The following MAML2 variants were observed in gnomAD, a reference collection of about 807,000 sequenced individuals.
MAML2 encodes the protein mastermind like transcriptional coactivator 2.
A neutral mutation model predicts 96.1 loss-of-function variants in MAML2; 22 were observed. That is an observed-to-expected ratio of 0.23 (90% CI 0.16 to 0.33). MAML2 has a LOEUF of 0.33. MAML2 is among the 10% of genes least tolerant of loss of function. The pLI is 1.00. For synonymous variants in MAML2, 561 were observed against 521.3 expected (o/e 1.08, Z -1.04); for missense variants, 1,367 against 1,392.4 (o/e 0.98, Z 0.29).
rs988237536 is a variant in MAML2 at position 96,244,766 on chromosome 11, A to G, written c.513+96617T>C. ...TTGAACCCAGCACCTGGACTCTCAG[A>G]GCAATCACACACTATTCAACCATCC... On this transcript the variant is annotated intron_variant, in intron 1 of 4. Transcript: ENST00000524717. Among the ~76,000 whole-genome samples the G allele has an allele frequency of 2.6e-5, 4 of 152,184 alleles. No homozygotes were observed. The East Asian group carries it at 7.7e-4, about 29-fold the overall frequency.
intron 2 of MAML2, among the ~76,000 whole-genome samples, chr11:96,011,205 A>T (rs1858260346): frequency 6.6e-6 from 1 of 152,358 alleles, no homozygotes; most frequent in African/African-American, 2.4e-5. Context: ...TGACCCAGCA[A>T]TTCTATTACT....
At chr11:96,223,025 T>G (rs552844) in intron 1 of MAML2, among the ~76,000 whole-genome samples, 140,967 of 152,108 alleles carry the variant, frequency 0.93, 65,484 homozygotes, top group Middle Eastern at 0.97. Flanking sequence ...GGATTTTTAT[T>G]TTTACTTTAC....
At chr11:96,252,216 A>G (rs563231453) in intron 1 of MAML2, among the ~76,000 whole-genome samples, 60 of 152,178 alleles carry the variant, frequency 3.9e-4, no homozygotes, top group African/African-American at 1.4e-3. Flanking sequence ...ACAGACATGT[A>G]CAATAGAAAA....
chr11:96,246,300 G>C (rs1161058830), intron 1 of MAML2, among the ~76,000 whole-genome samples: 1 of 151,958 alleles, frequency 6.6e-6, no homozygotes, highest in Non-Finnish European at 1.5e-5. Context: ...GGCATTTTTT[G>C]GATTCTGAAG....
chr11:96,148,659 TACACACACACACACAC>T lies in MAML2; in HGVS notation c.514-55158_514-55143del, dbSNP rs58470055. On this transcript the variant is annotated intron_variant, in intron 1 of 4. Transcript: ENST00000524717. ...TGAAAAGTCTGAAAATTCTGAAAAATACACACACACACACACACACACACACACACACACACACACA... is the reference window on the plus strand; with the variant it reads ...TGAAAAGTCTGAAAATTCTGAAAAATACACACACACACACACACACACACA... 9.3e-3 allele frequency among the ~76,000 whole-genome samples: 1,233 copies of T among 131,956 alleles called. 21 individuals are homozygous for T. Among genetic ancestry groups the T allele is most frequent in the African/African-American group, 0.024 (841 of 34,340 alleles). The allele number at this position is 131,956 out of a possible 152,430, so 86.6% of individuals were successfully genotyped here.
At chr11:96,276,150 A>G (rs1397241926) in intron 1 of MAML2, among the ~76,000 whole-genome samples, 1 of 152,232 alleles carries the variant, frequency 6.6e-6, no homozygotes, top group Non-Finnish European at 1.5e-5. Flanking sequence ...ATAATATCAA[A>G]GCAGCTACCG....
intron 1 of MAML2, among the ~76,000 whole-genome samples, chr11:96,296,310 C>A (rs1243112744): frequency 6.6e-6 from 1 of 151,994 alleles, no homozygotes; most frequent in Non-Finnish European, 1.5e-5. Flanking sequence ...TGCCTAAATT[C>A]CAGAGGAAAA....
At chr11:96,333,806 A>G (rs1863882989) in intron 1 of MAML2, among the ~76,000 whole-genome samples, 1 of 152,212 alleles carries the variant, frequency 6.6e-6, no homozygotes, top group Non-Finnish European at 1.5e-5. Context: ...AAATTCACTT[A>G]AGAATTATTC....
intron 1 of MAML2, among the ~76,000 whole-genome samples, chr11:96,255,711 T>G (rs933200973): frequency 1.3e-5 from 2 of 151,958 alleles, no homozygotes; most frequent in African/African-American, 4.8e-5. Flanking sequence ...CATTTCCAGA[T>G]GAGGGAATGA....
At chr11:96,245,435 C>T (rs1403817565) in intron 1 of MAML2, among the ~76,000 whole-genome samples, 1 of 152,058 alleles carries the variant, frequency 6.6e-6, no homozygotes, top group African/African-American at 2.4e-5. Flanking sequence ...TTAAAGAAAC[C>T]TTTCTCACAT....
intron 1 of MAML2, among the ~76,000 whole-genome samples, chr11:96,281,741 G>A (rs148111864): frequency 6.6e-6 from 1 of 152,108 alleles, no homozygotes; most frequent in Non-Finnish European, 1.5e-5. Context: ...GTGGCAGCAT[G>A]CACCTGTAAT....
chr11:96,133,544 G>A (rs976666958), intron 1 of MAML2, among the ~76,000 whole-genome samples: 3 of 151,968 alleles, frequency 2.0e-5, no homozygotes, highest in African/African-American at 4.8e-5. Context: ...TTGGTCAATC[G>A]ACTTGGCAGA....
chr11:96,307,758 T>A (rs1863485070), intron 1 of MAML2, among the ~76,000 whole-genome samples: 1 of 152,104 alleles, frequency 6.6e-6, no homozygotes, highest in African/African-American at 2.4e-5. Flanking sequence ...ATAACATCCT[T>A]AGGGGTGCCA....
At chr11:96,285,371 C>T (rs2135988350) in intron 1 of MAML2, among the ~76,000 whole-genome samples, 1 of 152,096 alleles carries the variant, frequency 6.6e-6, no homozygotes, top group South Asian at 2.1e-4. Context: ...CTTTAAACAC[C>T]TTAGAAGAAA....
intron 1 of MAML2, among the ~76,000 whole-genome samples, chr11:96,187,854 T>G (rs1386655865): frequency 6.6e-6 from 1 of 152,160 alleles, no homozygotes; most frequent in Non-Finnish European, 1.5e-5. Flanking sequence ...ATTACTGTTC[T>G]TCTCCTCTGC....
chr11:96,031,592 T>C lies in MAML2; in HGVS notation c.2140-39869A>G, dbSNP rs76910640. Among the ~76,000 whole-genome samples the C allele has an allele frequency of 3.3e-5, 5 of 152,268 alleles. No individual in the cohort carries two copies. The East Asian group carries it at 9.6e-4, about 29-fold the overall frequency. Reference sequence around the variant, plus strand: ...AATAAAGATTCACTGAATGAATGGATCCAGTTTCATGCTTTTTTTTGCATG... The same window carrying C: ...AATAAAGATTCACTGAATGAATGGACCCAGTTTCATGCTTTTTTTTGCATG... On this transcript the variant is annotated intron_variant, in intron 2 of 4. Transcript: ENST00000524717.
intron 2 of MAML2, among the ~76,000 whole-genome samples, chr11:96,025,737 A>G (rs1035948396): frequency 6.6e-6 from 1 of 151,672 alleles, no homozygotes; most frequent in Non-Finnish European, 1.5e-5. Flanking sequence ...TTTTCTTTGT[A>G]TTTTTAGTAG....
chr11:96,078,526 C>A (rs3802767), intron 2 of MAML2, among the ~76,000 whole-genome samples: 60,573 of 151,936 alleles, frequency 0.4, 12,535 homozygotes, highest in African/African-American at 0.48. Context: ...GTTCAGAGAG[C>A]AGGTATCTAC....
At chr11:96,121,927 C>T (rs1305119417) in intron 1 of MAML2, among the ~76,000 whole-genome samples, 2 of 139,178 alleles carry the variant, frequency 1.4e-5, no homozygotes, top group Non-Finnish European at 3.1e-5. Context: ...GCTGGGACTA[C>T]AGGCACCCGC....
Sources: allele counts gnomAD v4.1 joint callset (sites outside exome capture counted in the v4.1 genomes callset), GRCh38; gene constraint gnomAD v4.1.1; transcripts MANE v1.5; gene names NCBI Gene and HGNC (gene_info 2026-07-23, HGNC 2026-07-21).